MTUS2: variants seen among roughly 807,000 people sequenced by gnomAD.
The protein encoded by MTUS2 is microtubule-associated tumor suppressor candidate 2.
Under a neutral mutation model 114.1 loss-of-function variants are expected in MTUS2, and 40 were observed. The observed-to-expected ratio is 0.35, with a 90% CI of 0.27 to 0.46. The LOEUF (loss-of-function observed/expected upper bound fraction) is 0.46, where lower values mean the gene tolerates loss of function less well. Ranked by LOEUF, MTUS2 falls within the 20% of genes least tolerant of loss-of-function variation. MTUS2 has a pLI of 1.00. For missense variants in MTUS2, 1,679 were observed against 1,705.4 expected, an observed-to-expected ratio of 0.98 and a Z score of 0.27; for synonymous variants, 688 against 672.0, an observed-to-expected ratio of 1.02 and a Z score of -0.37.
At position 29,498,486 on chromosome 13, in the gene MTUS2, G is replaced by T. The variant is rs1882694278; in HGVS notation, c.3747G>T (p.Lys1249Asn). Residue 1249 changes from lysine to asparagine, a missense_variant, in exon 14 of 16, where the codon AAG becomes AAT. Lys to Asn is a moderately conservative substitution (Grantham distance 94). Around this residue, in one of 3 missense-constraint regions of MTUS2, gnomAD observed 822 missense variants for 899.7 expected, o/e 0.91. Coordinates refer to ENST00000612955, the MANE Select transcript of MTUS2 (RefSeq NM_001033602.4). ...MKSLKQVLEM[K>N]NQQIHEQEKK... is the part of the protein sequence containing the mutation. ...GTCTGAAGCAGGTATTAGAAATGAA[G>T]AATCAGCAAATACACGAGCAAGAAA... The T allele has an allele frequency of 6.2e-7, 1 of 1,614,084 alleles. No homozygotes were observed. Among genetic ancestry groups the T allele is most frequent in the South Asian group, 1.1e-5 (1 of 91,090 alleles).
chr13:29,124,279 T>A (rs1038931122), intron 5 of MTUS2, among the ~76,000 whole-genome samples: 4 of 152,206 alleles, frequency 2.6e-5, no homozygotes, highest in African/African-American at 9.6e-5. Flanking sequence ...TCTAATTTAA[T>A]GTAAATCATT....
intron 2 of MTUS2, among the ~76,000 whole-genome samples, chr13:28,855,918 C>T (rs959707215): frequency 2.0e-5 from 3 of 152,180 alleles, no homozygotes; most frequent in African/African-American, 4.8e-5. Context: ...TATTTCTCCA[C>T]AGCCCTGCCA....
intron 2 of MTUS2, among the ~76,000 whole-genome samples, chr13:28,999,881 T>G (rs1272215938): frequency 6.6e-6 from 1 of 152,234 alleles, no homozygotes; most frequent in African/African-American, 2.4e-5. Context: ...TATCTGTCTT[T>G]ATGTGTTTGG....
chr13:29,197,969 A>G (rs1316751124), intron 5 of MTUS2, among the ~76,000 whole-genome samples: 3 of 152,214 alleles, frequency 2.0e-5, no homozygotes, highest in Non-Finnish European at 4.4e-5. Flanking sequence ...TCAGATAAAT[A>G]GATTGCAAAA....
chr13:29,293,699 G>T (rs1202807420), intron 6 of MTUS2, among the ~76,000 whole-genome samples: 2 of 152,050 alleles, frequency 1.3e-5, no homozygotes, highest in East Asian at 1.9e-4. Context: ...TGTCAATATG[G>T]AAATATGTAA....
At chr13:29,100,490 A>G (rs1407397529) in intron 4 of MTUS2, among the ~76,000 whole-genome samples, 2 of 152,152 alleles carry the variant, frequency 1.3e-5, no homozygotes, top group Non-Finnish European at 2.9e-5. Flanking sequence ...TTATAGCCTT[A>G]AAATAGAGTT....
At chr13:28,842,715 A>C (rs1195646585) in intron 2 of MTUS2, among the ~76,000 whole-genome samples, 2 of 152,228 alleles carry the variant, frequency 1.3e-5, no homozygotes, top group Non-Finnish European at 2.9e-5. Flanking sequence ...AGGATAGCAT[A>C]GCTTTTGAAA....
intron 2 of MTUS2, among the ~76,000 whole-genome samples, chr13:29,008,062 A>G (rs1885677051): frequency 6.6e-6 from 1 of 152,160 alleles, no homozygotes; most frequent in African/African-American, 2.4e-5. Flanking sequence ...TAAATGCCGC[A>G]TGAGGCTGGT....
rs1420967327 is a variant in MTUS2 at position 29,057,080 on chromosome 13, G to T, written c.2446+22955G>T. Among the ~76,000 whole-genome samples the T allele has an allele frequency of 2.0e-5, 3 of 152,090 alleles. No individual in the cohort carries two copies. The South Asian group carries it at 6.2e-4, about 31-fold the overall frequency. Reference sequence around the variant, plus strand: ...TTGTTTACCTAGAGGTCATTCAGGGGTAGGTGGTTTAATTTCCATGTAATT... The same window carrying T: ...TTGTTTACCTAGAGGTCATTCAGGGTTAGGTGGTTTAATTTCCATGTAATT... On this transcript the variant is annotated intron_variant, in intron 4 of 15. Coordinates refer to ENST00000612955, the MANE Select transcript of MTUS2 (RefSeq NM_001033602.4).
intron 2 of MTUS2, among the ~76,000 whole-genome samples, chr13:28,941,837 C>T (rs750108777): frequency 1.2e-4 from 19 of 152,170 alleles, no homozygotes; most frequent in Non-Finnish European, 2.2e-4. Context: ...GGCTATCTTG[C>T]ACTTTAAATT....
At chr13:29,429,847 A>G (rs1023601698) in intron 8 of MTUS2, among the ~76,000 whole-genome samples, 1 of 152,208 alleles carries the variant, frequency 6.6e-6, no homozygotes, top group Non-Finnish European at 1.5e-5. Flanking sequence ...CATGCTCATC[A>G]AAAAGCGGTC....
chr13:29,479,448 GC>G (rs1566225882), intron 9 of MTUS2, among the ~76,000 whole-genome samples: 6 of 152,304 alleles, frequency 3.9e-5, no homozygotes. Flanking sequence ...GATGGTGGCC[GC>G]TGTCATTGCC....
chr13:29,326,668 TCTAAA>T (rs1361662406), intron 7 of MTUS2, among the ~76,000 whole-genome samples: 3 of 152,180 alleles, frequency 2.0e-5, no homozygotes, highest in Non-Finnish European at 4.4e-5. Flanking sequence ...AACTATACTC[TCTAAA>T]CTAACTCAAA....
chr13:28,881,373 A>G (rs1421160714), intron 2 of MTUS2, among the ~76,000 whole-genome samples: 1 of 152,056 alleles, frequency 6.6e-6, no homozygotes, highest in Non-Finnish European at 1.5e-5. Flanking sequence ...CTATTCAGTC[A>G]TCCATTGATG....
intron 2 of MTUS2, among the ~76,000 whole-genome samples, chr13:28,852,103 G>T (rs1593246060): frequency 6.6e-6 from 1 of 152,226 alleles, no homozygotes; most frequent in East Asian, 1.9e-4. Flanking sequence ...TGTGCCCTCT[G>T]CTTGCAGGAT....
At chr13:29,268,466 C>G (rs1897751059) in intron 5 of MTUS2, among the ~76,000 whole-genome samples, 1 of 152,126 alleles carries the variant, frequency 6.6e-6, no homozygotes, top group East Asian at 1.9e-4. Flanking sequence ...CCTCCAAGTC[C>G]TCCTCATCAC....
chr13:29,211,711 T>C (rs1895447610), intron 5 of MTUS2, among the ~76,000 whole-genome samples: 6 of 152,014 alleles, frequency 3.9e-5, no homozygotes, highest in Admixed American at 3.9e-4. Flanking sequence ...TCTCCCGTGA[T>C]CTGGTTCTTC....
At chr13:28,990,638 G>T (rs181236526) in intron 2 of MTUS2, among the ~76,000 whole-genome samples, 1 of 152,254 alleles carries the variant, frequency 6.6e-6, no homozygotes, top group Non-Finnish European at 1.5e-5. Flanking sequence ...GCACCAATCA[G>T]CACTCTGTAA....
At chr13:29,344,899 G>C (rs1202108281) in intron 7 of MTUS2, among the ~76,000 whole-genome samples, 1 of 152,042 alleles carries the variant, frequency 6.6e-6, no homozygotes, top group Non-Finnish European at 1.5e-5. Flanking sequence ...AAAAAATTCT[G>C]TGTCTTTCAT....
Sources: gnomAD v4.1 joint callset for allele counts (sites outside exome capture counted in the v4.1 genomes callset) on GRCh38, gnomAD v4.1.1 for gene constraint, gnomAD v4.1.1 regional missense constraint, MANE v1.5 for transcripts, NCBI Gene and HGNC (gene_info 2026-07-23, HGNC 2026-07-21) for gene names.